The following UNC80 variants were observed in gnomAD, a reference collection of about 807,000 sequenced individuals.
The protein encoded by UNC80 is unc-80 subunit of NALCN channel complex.
A neutral mutation model predicts 384.6 loss-of-function variants in UNC80; 164 were observed. That is an observed-to-expected ratio of 0.43 (90% confidence interval 0.38 to 0.49). The LOEUF (loss-of-function observed/expected upper bound fraction) is 0.49, where lower values mean the gene tolerates loss of function less well. Ranked by LOEUF, UNC80 falls within the 20% of genes least tolerant of loss-of-function variation. The pLI, the probability that UNC80 is intolerant of heterozygous loss-of-function variation, is 0.00. For missense variants in UNC80, 3,330 were observed against 4,143.0 expected, an observed-to-expected ratio of 0.80 and a Z score of 5.39; for synonymous variants, 1,486 against 1,527.8, an observed-to-expected ratio of 0.97 and a Z score of 0.64.
At chr2:209,788,561 ATATAT>A (rs893085020) in intron 5 of UNC80, among the ~76,000 whole-genome samples, 1 of 147,862 alleles carries the variant, frequency 6.8e-6, no homozygotes, top group Non-Finnish European at 1.5e-5. Flanking sequence ...ATACTATAAA[ATATAT>A]TAAAAGTATA....
At chr2:209,967,761 G>T (rs2092778704) in intron 52 of UNC80, 124 bp downstream of exon 52, 2 of 894,676 alleles carry the variant, frequency 2.2e-6, no homozygotes, top group African/African-American at 1.7e-5. Flanking sequence ...TGGTATATGT[G>T]CATAGTTAAT....
At chr2:209,987,315 A>T (rs1439577313) in intron 61 of UNC80, among the ~76,000 whole-genome samples, 2 of 151,756 alleles carry the variant, frequency 1.3e-5, no homozygotes, top group East Asian at 1.9e-4. Flanking sequence ...ATTTTTTTTT[A>T]AATGTGCTAA....
intron 21 of UNC80, among the ~76,000 whole-genome samples, 183 bp downstream of exon 21, chr2:209,842,629 G>T (rs181107683): frequency 1.6e-4 from 24 of 152,278 alleles, no homozygotes; most frequent in African/African-American, 4.1e-4. Flanking sequence ...ATTTATGGAA[G>T]CCTTACTGTG....
At chr2:209,908,258 T>C (rs1233970145) in intron 29 of UNC80, among the ~76,000 whole-genome samples, 1 of 152,222 alleles carries the variant, frequency 6.6e-6, no homozygotes, top group African/African-American at 2.4e-5. Flanking sequence ...TTCATTCCTG[T>C]TTTCTTTTTA....
intron 22 of UNC80, among the ~76,000 whole-genome samples, chr2:209,865,648 A>G (rs114500330): frequency 0.013 from 1,950 of 151,834 alleles, 41 homozygotes; most frequent in African/African-American, 0.044. Flanking sequence ...ATTTAGTTCT[A>G]TCTTGCTTTT....
chr2:209,912,531 T>C (rs2089067982), intron 29 of UNC80, 29 bp from the exon 30 acceptor site: 1 of 1,474,280 alleles, frequency 6.8e-7, no homozygotes. Context: ...AACACATCAC[T>C]CTTCATTACA....
At chr2:209,816,438 A>T (rs934794121) in intron 9 of UNC80, among the ~76,000 whole-genome samples, 2 of 152,236 alleles carry the variant, frequency 1.3e-5, no homozygotes, top group Non-Finnish European at 2.9e-5. Context: ...GAAACAATGG[A>T]TCACCATCAT....
chr2:209,970,314 GA>G (rs199864339), intron 53 of UNC80: 18 of 173,184 alleles, frequency 1.0e-4, no homozygotes, highest in African/African-American at 3.6e-4. Flanking sequence ...TTTATGTGAA[GA>G]AAAAAAAATT....
chr2:209,849,348 A>G lies in UNC80; in HGVS notation c.3455-103A>G, dbSNP rs1359960726. On this transcript the variant is annotated intron_variant, in intron 21 of 64. Transcript: ENST00000673920. ...AGTGAAGGAGAAAGTTTTCTGGCCAACACTGTAGAAAACACACTGTTATAT... is the reference window on the plus strand; with the variant it reads ...AGTGAAGGAGAAAGTTTTCTGGCCAGCACTGTAGAAAACACACTGTTATAT... 7 of 1,334,430 alleles carry G rather than the reference A, an allele frequency of 5.2e-6. No homozygotes were observed. In the East Asian group the frequency reaches 1.8e-4, roughly 34 times the overall value. The allele number at this position is 1,334,430 out of a possible 1,614,324, so 82.7% of individuals were successfully genotyped here.
At chr2:209,981,999 TATC>T (rs1258747124) in intron 59 of UNC80, among the ~76,000 whole-genome samples, 177 bp from the exon 60 acceptor site, 2 of 152,168 alleles carry the variant, frequency 1.3e-5, no homozygotes, top group Non-Finnish European at 2.9e-5. Context: ...CACGAAGAAT[TATC>T]ATTACCCCCA....
intron 51 of UNC80, among the ~76,000 whole-genome samples, chr2:209,965,791 A>G (rs557546806): frequency 6.6e-6 from 1 of 152,120 alleles, no homozygotes; most frequent in South Asian, 2.1e-4. Flanking sequence ...TTTAAGCTGT[A>G]TTAGAAAAAT....
rs530234526 is a variant in UNC80 at position 209,776,513 on chromosome 2, G to A, written c.298+468G>A. ...GGAGAATCACTTGAACCTGGGAGGC[G>A]GAGGTTACAGTTAGCTGGGATCGCA... On this transcript the variant is annotated intron_variant, in intron 3 of 64. Coordinates refer to ENST00000673920, the MANE Select transcript of UNC80 (RefSeq NM_001371986.1). Among the ~76,000 whole-genome samples, 7 of 152,272 alleles carry A rather than the reference G, an allele frequency of 4.6e-5. No homozygotes were observed. In the South Asian group the frequency reaches 6.2e-4, roughly 14 times the overall value.
At chr2:209,875,700 C>G (rs1199063363) in intron 23 of UNC80, among the ~76,000 whole-genome samples, 2 of 152,130 alleles carry the variant, frequency 1.3e-5, no homozygotes, top group African/African-American at 4.8e-5. Context: ...CTGTCAGTCT[C>G]TCAGCACATA....
At chr2:209,855,180 CA>C (rs1182365972) in intron 22 of UNC80, among the ~76,000 whole-genome samples, 1 of 152,152 alleles carries the variant, frequency 6.6e-6, no homozygotes, top group Non-Finnish European at 1.5e-5. Flanking sequence ...TTATCCTCAG[CA>C]AACTAATGCA....
chr2:209,945,280 ATG>A (rs964939185), intron 46 of UNC80, 91 bp downstream of exon 46: 3 of 1,277,172 alleles, frequency 2.3e-6, no homozygotes, highest in African/African-American at 1.5e-5. Context: ...GTATATTTAT[ATG>A]TGTGTGTATA....
chr2:209,777,869 G>C (rs1304193589), intron 4 of UNC80, among the ~76,000 whole-genome samples: 1 of 152,152 alleles, frequency 6.6e-6, no homozygotes, highest in Non-Finnish European at 1.5e-5. Flanking sequence ...TTTATAGACT[G>C]TTGGTCCCTA....
intron 7 of UNC80, among the ~76,000 whole-genome samples, chr2:209,799,267 T>A (rs2078381725): frequency 6.6e-6 from 1 of 152,070 alleles, no homozygotes; most frequent in Non-Finnish European, 1.5e-5. Flanking sequence ...GGTTTGTAGT[T>A]CTCCTTGAAA....
intron 21 of UNC80, among the ~76,000 whole-genome samples, chr2:209,845,428 A>T (rs1486265711): frequency 6.6e-6 from 1 of 152,238 alleles, no homozygotes; most frequent in Non-Finnish European, 1.5e-5. Flanking sequence ...CAAACACATT[A>T]TCATTACCAT....
At position 209,939,595 on chromosome 2, in the gene UNC80, C is replaced by T. The variant is rs1161747955; in HGVS notation, c.6589C>T (p.Pro2197Ser). ...SMLQEDLLRLPSFPRSAIDAE... is the reference protein window; with the variant it reads ...SMLQEDLLRLSSFPRSAIDAE... ...GCTTCAGGAAGACCTCCTCCGCCTG[C>T]CCTCATTCCCTCGTAGTGCTATTGA... Residue 2197 changes from proline (P) to serine (S), a missense_variant, in exon 43 of 65, where the codon CCC becomes TCC. By Grantham distance (74) the Pro-to-Ser change is moderately conservative (BLOSUM62 -1). Coordinates refer to ENST00000673920, the MANE Select transcript of UNC80 (RefSeq NM_001371986.1). 2 of 1,551,618 alleles carry T rather than the reference C, an allele frequency of 1.3e-6. No individual in the cohort carries two copies. Among genetic ancestry groups the T allele is most frequent in the Non-Finnish European group, 1.7e-6 (2 of 1,146,876 alleles).
Sources: gnomAD v4.1 joint callset for allele counts (sites outside exome capture counted in the v4.1 genomes callset) on GRCh38, gnomAD v4.1.1 for gene constraint, MANE v1.5 for transcripts, NCBI Gene and HGNC (gene_info 2026-07-23, HGNC 2026-07-21) for gene names.